CEP350: variants seen among roughly 807,000 people sequenced by gnomAD.
The protein encoded by CEP350 is centrosome-associated protein 350.
In CEP350, 126 loss-of-function variants were observed where a neutral mutation model predicts 331.8. The observed-to-expected ratio is 0.38, with a 90% CI of 0.33 to 0.44. CEP350 has a LOEUF of 0.44. CEP350 is among the 20% of genes least tolerant of loss of function. The probability of loss-of-function intolerance (pLI) is 1.00; values close to 1 mark genes in which losing one functional copy is unlikely to be tolerated. For missense variants in CEP350, 3,406 were observed against 3,634.6 expected (o/e 0.94, Z 1.62); for synonymous variants, 1,200 against 1,259.5 (o/e 0.95, Z 1.00).
At chr1:179,974,647 T>G (rs998152278) in intron 1 of CEP350, among the ~76,000 whole-genome samples, 2 of 152,202 alleles carry the variant, frequency 1.3e-5, no homozygotes, top group Non-Finnish European at 2.9e-5. Flanking sequence ...ATGAATGAAT[T>G]ATGTATGATA....
intron 33 of CEP350, among the ~76,000 whole-genome samples, chr1:180,092,360 C>A (rs1280107266): frequency 6.6e-6 from 1 of 152,198 alleles, no homozygotes; most frequent in Non-Finnish European, 1.5e-5. Context: ...AACTTAGATA[C>A]ATTTTTCTTC....
intron 16 of CEP350, among the ~76,000 whole-genome samples, chr1:180,035,782 G>A (rs561417661): frequency 1.3e-5 from 2 of 152,250 alleles, no homozygotes; most frequent in South Asian, 4.2e-4. Context: ...TCATAAAAAA[G>A]GAGATTAATG....
chr1:180,037,017 G>A lies in CEP350; in HGVS notation c.4038G>A (p.Leu1346=). ...LNAIEESVRQ[L]SDVERVRGIS... ...CCATTGAGGAGTCGGTGCGCCAACT[G>A]TCAGATGTAGAAAGAGTTAGAGGCA... Residue 1346 remains leucine, a synonymous_variant, in exon 17 of 38, where the codon CTG becomes CTA. Transcript: ENST00000367607. 4 of 1,604,198 alleles carry A rather than the reference G, an allele frequency of 2.5e-6. No individual in the cohort carries two copies. The highest frequency in any genetic ancestry group is 3.4e-6 in the Non-Finnish European group (4 of 1,175,116).
chr1:179,959,455 A>G (rs1650423311), intron 1 of CEP350, among the ~76,000 whole-genome samples: 1 of 151,936 alleles, frequency 6.6e-6, no homozygotes, highest in African/African-American at 2.4e-5. Flanking sequence ...CCATCTCAAA[A>G]CAAACAAAAC....
intron 7 of CEP350, among the ~76,000 whole-genome samples, chr1:180,004,877 T>TGGCTGGCTGGCTG (rs1558092840): frequency 2.6e-4 from 19 of 72,882 alleles, no homozygotes; most frequent in African/African-American, 9.3e-4. Flanking sequence ...CTGGCTGGCT[T>TGGCTGGCTGGCTG]GCTTGCTTGC....
At chr1:179,997,301 G>A in intron 6 of CEP350, 126 bp downstream of exon 6, 1 of 1,108,746 alleles carries the variant, frequency 9.0e-7, no homozygotes, top group Non-Finnish European at 1.3e-6. Context: ...AAGCACTTAG[G>A]GAGGCCGAGG....
intron 19 of CEP350, among the ~76,000 whole-genome samples, 155 bp downstream of exon 19, chr1:180,041,957 A>G (rs1656787078): frequency 6.6e-6 from 1 of 152,190 alleles, no homozygotes; most frequent in Non-Finnish European, 1.5e-5. Flanking sequence ...AAGAGGCACC[A>G]TTGATTGGAG....
chr1:180,044,163 CATG>C lies in CEP350; in HGVS notation c.4615_4617del (p.Asp1539del). On this transcript the variant is annotated inframe_deletion, in exon 21 of 38. Transcript: ENST00000367607. ...TTCTGAGTCTTCAGGATACAAGAAT[CATG>C]ATAGAAGGTGAAGACAATTTGATTT... is the stretch of plus-strand genomic sequence containing the variant. 6.4e-7 allele frequency: 1 copy of C among 1,564,954 alleles called. No homozygotes were observed. The highest frequency in any genetic ancestry group is 8.7e-7 in the Non-Finnish European group (1 of 1,155,156).
chr1:180,059,882 G>A (rs1423948047), intron 25 of CEP350, among the ~76,000 whole-genome samples: 2 of 151,924 alleles, frequency 1.3e-5, no homozygotes, highest in African/African-American at 4.8e-5. Context: ...ATATTCATGA[G>A]TATAACTGTT....
At chr1:180,021,492 A>G (rs150126704) in intron 12 of CEP350, among the ~76,000 whole-genome samples, 1 of 152,202 alleles carries the variant, frequency 6.6e-6, no homozygotes, top group Non-Finnish European at 1.5e-5. Context: ...CACCATTACT[A>G]AAAATACAAA....
At chr1:180,049,261 T>C (rs930954538) in intron 22 of CEP350, among the ~76,000 whole-genome samples, 3 of 152,202 alleles carry the variant, frequency 2.0e-5, no homozygotes, top group African/African-American at 7.2e-5. Context: ...TTATAGATAA[T>C]ATTTGTAAGC....
chr1:179,969,392 G>A, intron 1 of CEP350: 1 of 513,628 alleles, frequency 1.9e-6, no homozygotes, highest in Non-Finnish European at 3.9e-6. Context: ...GGGCGTGCGG[G>A]TGCCCTCTGT....
intron 1 of CEP350, among the ~76,000 whole-genome samples, chr1:179,970,192 T>C (rs957011639): frequency 6.6e-6 from 1 of 152,222 alleles, no homozygotes; most frequent in Non-Finnish European, 1.5e-5. Context: ...TTATCCTTAC[T>C]CTACTTCCTA....
At chr1:180,110,255 TA>T (rs1661400569) in intron 37 of CEP350, among the ~76,000 whole-genome samples, 1 of 152,216 alleles carries the variant, frequency 6.6e-6, no homozygotes, top group Non-Finnish European at 1.5e-5. Context: ...GTCCCCTACT[TA>T]ATGAGGGTTC....
intron 37 of CEP350, among the ~76,000 whole-genome samples, chr1:180,100,157 A>G (rs1660719080): frequency 6.6e-6 from 1 of 152,198 alleles, no homozygotes; most frequent in Admixed American, 6.5e-5. Context: ...TTGTTTTACA[A>G]ATGAGGTGTC....
intron 25 of CEP350, among the ~76,000 whole-genome samples, chr1:180,060,577 C>T (rs1320610900): frequency 6.6e-6 from 1 of 152,132 alleles, no homozygotes; most frequent in African/African-American, 2.4e-5. Context: ...ATCACTTGAG[C>T]CCATGAGTTT....
At chr1:180,101,293 T>G (rs1050359111) in intron 37 of CEP350, among the ~76,000 whole-genome samples, 1 of 152,158 alleles carries the variant, frequency 6.6e-6, no homozygotes, top group African/African-American at 2.4e-5. Flanking sequence ...TTAATTTTTT[T>G]TTTTAACAAA....
intron 27 of CEP350, among the ~76,000 whole-genome samples, chr1:180,065,886 A>G (rs1175887467): frequency 6.6e-6 from 1 of 152,110 alleles, no homozygotes; most frequent in Non-Finnish European, 1.5e-5. Flanking sequence ...GAAATTTTCA[A>G]TAAAATTTCT....
intron 22 of CEP350, 127 bp from the exon 23 acceptor site, chr1:180,052,843 C>T: frequency 2.3e-6 from 1 of 429,844 alleles, no homozygotes; most frequent in Non-Finnish European, 4.1e-6. Flanking sequence ...TATTTCATGT[C>T]TATTTATTAG....
Sources: gnomAD v4.1 joint callset for allele counts (sites outside exome capture counted in the v4.1 genomes callset) on GRCh38, gnomAD v4.1.1 for gene constraint, MANE v1.5 for transcripts, NCBI Gene and HGNC (gene_info 2026-07-23, HGNC 2026-07-21) for gene names.